Variants in NMBR observed in about 807,000 individuals in gnomAD.
The protein encoded by NMBR is neuromedin B receptor.
In NMBR, 16 loss-of-function variants were observed where a neutral mutation model predicts 20.5. That is an observed-to-expected ratio of 0.78 (90% confidence interval 0.53 to 1.19). The LOEUF (loss-of-function observed/expected upper bound fraction) is 1.19, where lower values mean the gene tolerates loss of function less well. Among genes scored for constraint, NMBR ranks in the 50% most tolerant of loss-of-function variants. NMBR has a pLI of 0.00. For synonymous variants in NMBR, 212 were observed against 196.6 expected (o/e 1.08, Z -0.65); for missense variants, 582 against 499.1 (o/e 1.17, Z -1.58).
At position 142,078,895 on chromosome 6, in the gene NMBR, G is replaced by A. The variant is rs768787948; in HGVS notation, c.431C>T (p.Ala144Val). 1 of 1,595,958 alleles carries A rather than the reference G, an allele frequency of 6.3e-7. No homozygotes were observed. The highest frequency in any genetic ancestry group is 8.5e-7 in the Non-Finnish European group (1 of 1,169,882). ...CTGCATGTCCATGGGGTTAACGATG[G>A]CTCTGTACCTGGGAAAATGATACAT... ...LTALSADRYRAIVNPMDMQTS... is the reference protein window; with the variant it reads ...LTALSADRYRVIVNPMDMQTS... The change falls in exon 3 of 4, where the codon GCC becomes GTC. Residue 144 changes from alanine (A) to valine (V), a missense_variant. Coordinates refer to ENST00000258042, the MANE Select transcript of NMBR (RefSeq NM_002511.4).
intron 1 of NMBR, among the ~76,000 whole-genome samples, chr6:142,138,800 T>A (rs1051825865): frequency 6.6e-6 from 1 of 152,198 alleles, no homozygotes; most frequent in African/African-American, 2.4e-5. Flanking sequence ...AGGCATTGTG[T>A]GTTTTATCCT....
chr6:142,096,415 G>A (rs1777453472), intron 1 of NMBR, among the ~76,000 whole-genome samples: 1 of 152,154 alleles, frequency 6.6e-6, no homozygotes, highest in Non-Finnish European at 1.5e-5. Flanking sequence ...TATGTACCCA[G>A]TAGTCATTCA....
chr6:142,090,901 C>A (rs1777308777), intron 1 of NMBR, among the ~76,000 whole-genome samples: 3 of 151,740 alleles, frequency 2.0e-5, no homozygotes, highest in African/African-American at 7.3e-5. Context: ...TGTTCCTAAT[C>A]ATTTAGAAGA....
chr6:142,135,955 T>C (rs1268651885), intron 1 of NMBR, among the ~76,000 whole-genome samples: 1 of 152,038 alleles, frequency 6.6e-6, no homozygotes, highest in African/African-American at 2.4e-5. Flanking sequence ...ACAATAAACA[T>C]ACGTGTGCAT....
chr6:142,137,921 A>T (rs1193628435), intron 1 of NMBR, among the ~76,000 whole-genome samples: 1 of 152,126 alleles, frequency 6.6e-6, no homozygotes, highest in Non-Finnish European at 1.5e-5. Flanking sequence ...TATAGTTACC[A>T]AATAAATAAA....
At chr6:142,092,420 G>A (rs554402480) in intron 1 of NMBR, among the ~76,000 whole-genome samples, 3 of 152,128 alleles carry the variant, frequency 2.0e-5, no homozygotes, top group Admixed American at 1.3e-4. Context: ...GTGCATTAAA[G>A]GTCACAGTAT....
intron 1 of NMBR, among the ~76,000 whole-genome samples, chr6:142,141,629 C>G (rs1407023509): frequency 6.7e-6 from 1 of 149,866 alleles, no homozygotes; most frequent in Non-Finnish European, 1.5e-5. Context: ...CTCAGCCTCC[C>G]GAATAGCTGG....
intron 1 of NMBR, among the ~76,000 whole-genome samples, chr6:142,092,009 A>G (rs141810413): frequency 6.6e-6 from 1 of 152,296 alleles, no homozygotes; most frequent in Admixed American, 6.5e-5. Context: ...GAAAAAATAT[A>G]AAATACTATA....
intron 1 of NMBR, among the ~76,000 whole-genome samples, chr6:142,092,489 C>T (rs998571301): frequency 2.6e-5 from 4 of 151,970 alleles, no homozygotes; most frequent in African/African-American, 7.2e-5. Flanking sequence ...TATGAGACCA[C>T]GGGGGTGGGA....
intron 1 of NMBR, among the ~76,000 whole-genome samples, chr6:142,096,543 G>A (rs1777455904): frequency 6.6e-6 from 1 of 152,124 alleles, no homozygotes; most frequent in Non-Finnish European, 1.5e-5. Context: ...GAGACAGTTT[G>A]TTATAATTTC....
Position 142,134,527 on chromosome 6 carries a change from T to A in NMBR, c.-664+12517A>T, listed in dbSNP as rs1161003855. 1.2e-5 allele frequency: 6 copies of A among 500,688 alleles called. No individual in the cohort carries two copies. In the South Asian group the frequency reaches 2.2e-4, roughly 19 times the overall value. 31.0% of individuals were successfully genotyped at this position (500,688 alleles called of 1,614,324 possible). ...TTACTAAGATATTTCTGACATACTT[T>A]AGGTGTTCTAGGCATTACAACTAGT... On this transcript the variant is annotated intron_variant, in intron 1 of 3. Transcript: ENST00000258042.
intron 1 of NMBR, among the ~76,000 whole-genome samples, chr6:142,092,992 A>G (rs528491479): frequency 6.6e-6 from 1 of 152,284 alleles, no homozygotes; most frequent in East Asian, 1.9e-4. Context: ...AGTTTTAGGT[A>G]CATTACTTAG....
rs940683547 is a variant in NMBR at position 142,075,410 on chromosome 6, CAT to C, written c.*236_*237del. On this transcript the variant is annotated 3_prime_UTR_variant, in exon 4 of 4. Coordinates refer to ENST00000258042, the MANE Select transcript of NMBR (RefSeq NM_002511.4). Reference sequence around the variant, plus strand: ...GTGTGTACATGTGTGTGTGCAAATACATATATATACATATATGTATTATATGT... The same window carrying C: ...GTGTGTACATGTGTGTGTGCAAATACATATATACATATATGTATTATATGT... 6.6e-6 allele frequency among the ~76,000 whole-genome samples: 1 copy of C among 151,832 alleles called. No individual in the cohort carries two copies. Among genetic ancestry groups the C allele is most frequent in the Non-Finnish European group, 1.5e-5 (1 of 67,984 alleles).
chr6:142,117,727 C>T (rs1777878864), intron 1 of NMBR, among the ~76,000 whole-genome samples: 1 of 151,834 alleles, frequency 6.6e-6, no homozygotes, highest in Non-Finnish European at 1.5e-5. Context: ...CTACATATTT[C>T]AATAATGTCA....
rs547655230 is a variant in NMBR at position 142,083,029 on chromosome 6, A to C, written c.423-4126T>G. Among the ~76,000 whole-genome samples, 10 of 152,362 alleles carry C rather than the reference A, an allele frequency of 6.6e-5. No individual in the cohort carries two copies. In the South Asian group the frequency reaches 2.1e-3, roughly 32 times the overall value. On this transcript the variant is annotated intron_variant, in intron 2 of 3. Coordinates refer to ENST00000258042, the MANE Select transcript of NMBR (RefSeq NM_002511.4). ...TGAATAATCTTCAAAAGCTATAAGC[A>C]ACATATAAATTATGGCAATATTATG...
chr6:142,141,071 C>A (rs1400238472), intron 1 of NMBR, among the ~76,000 whole-genome samples: 1 of 152,070 alleles, frequency 6.6e-6, no homozygotes, highest in East Asian at 1.9e-4. Context: ...TATTAATAAG[C>A]AACTTGAACT....
At chr6:142,093,326 T>C (rs1214203225) in intron 1 of NMBR, among the ~76,000 whole-genome samples, 4 of 105,946 alleles carry the variant, frequency 3.8e-5, no homozygotes, top group African/African-American at 1.5e-4. Context: ...CAACAGTCCC[T>C]GGTGTGTGAT....
At chr6:142,087,535 T>G (rs555934715) in intron 2 of NMBR, among the ~76,000 whole-genome samples, 69 of 152,286 alleles carry the variant, frequency 4.5e-4, no homozygotes, top group Middle Eastern at 3.4e-3. Flanking sequence ...GTTGAACTAG[T>G]TGATGTGCAA....
At chr6:142,108,774 A>G (rs1348968905) in intron 1 of NMBR, among the ~76,000 whole-genome samples, 3 of 152,120 alleles carry the variant, frequency 2.0e-5, no homozygotes, top group Admixed American at 2.0e-4. Context: ...ATGTCCGCAC[A>G]TTTCAAAACC....
Sources: gnomAD v4.1 joint callset for allele counts (sites outside exome capture counted in the v4.1 genomes callset) on GRCh38, gnomAD v4.1.1 for gene constraint, MANE v1.5 for transcripts, NCBI Gene and HGNC (gene_info 2026-07-23, HGNC 2026-07-21) for gene names.